Variants in CIP2A observed in about 807,000 individuals in gnomAD.
The protein encoded by CIP2A is cellular inhibitor of PP2A, also known as protein CIP2A.
Under a neutral mutation model 110.9 loss-of-function variants are expected in CIP2A, and 103 were observed. The observed-to-expected ratio is 0.93, with a 90% confidence interval of 0.79 to 1.09. The LOEUF is 1.09. Ranked by LOEUF, CIP2A falls within the 50% of genes least tolerant of loss-of-function variation. The pLI, the probability that CIP2A is intolerant of heterozygous loss-of-function variation, is 0.00. For missense variants in CIP2A, 1,088 were observed against 1,038.4 expected (o/e 1.05, Z -0.66); for synonymous variants, 381 against 361.6 (o/e 1.05, Z -0.61).
intron 16 of CIP2A, 108 bp downstream of exon 16, chr3:108,559,649 G>C: frequency 1.9e-6 from 1 of 540,112 alleles, no homozygotes; most frequent in East Asian, 3.2e-5. Context: ...CATGTCAAAT[G>C]CTAAGGAGAA....
chr3:108,587,137 A>C (rs1023770021), intron 1 of CIP2A, among the ~76,000 whole-genome samples: 9 of 152,160 alleles, frequency 5.9e-5, no homozygotes, highest in Admixed American at 5.2e-4. Flanking sequence ...GTTTCAACTA[A>C]AACGGAACAT....
At chr3:108,585,310 C>T in intron 1 of CIP2A, 98 bp from the exon 2 acceptor site, 1 of 1,096,446 alleles carries the variant, frequency 9.1e-7, no homozygotes, top group South Asian at 1.8e-5. Context: ...AGTGCCACTG[C>T]TACCTTCCCA....
intron 8 of CIP2A, among the ~76,000 whole-genome samples, chr3:108,570,666 C>T (rs114589931): frequency 2.0e-3 from 297 of 152,204 alleles, no homozygotes; most frequent in African/African-American, 6.2e-3. Flanking sequence ...AGGACACTTA[C>T]CATAAACAAA....
At chr3:108,568,520 TAGAC>T (rs769021586) in intron 9 of CIP2A, among the ~76,000 whole-genome samples, 14 of 152,046 alleles carry the variant, frequency 9.2e-5, no homozygotes, top group African/African-American at 1.9e-4. Context: ...TTTCTCAAAT[TAGAC>T]AGTAAGGTTT....
chr3:108,579,496 A>G, intron 6 of CIP2A, 70 bp from the exon 7 acceptor site: 1 of 1,557,224 alleles, frequency 6.4e-7, no homozygotes, highest in Non-Finnish European at 8.7e-7. Flanking sequence ...AGGTAAAAAT[A>G]AAAAAGTCTC....
intron 8 of CIP2A, among the ~76,000 whole-genome samples, chr3:108,572,332 A>G (rs1409681098): frequency 6.6e-6 from 1 of 152,026 alleles, no homozygotes; most frequent in Non-Finnish European, 1.5e-5. Context: ...TACTCTTCAC[A>G]TTTAAATCTA....
At chr3:108,563,842 C>T (rs1175423391) in intron 12 of CIP2A, among the ~76,000 whole-genome samples, 1 of 151,928 alleles carries the variant, frequency 6.6e-6, no homozygotes. Context: ...ACTGGTTGGG[C>T]ATCCCTAATC....
chr3:108,561,582 T>C (rs903269772), intron 13 of CIP2A, among the ~76,000 whole-genome samples: 1 of 152,040 alleles, frequency 6.6e-6, no homozygotes, highest in African/African-American at 2.4e-5. Context: ...GTTGGGAATA[T>C]CACTTGAGCC....
intron 11 of CIP2A, among the ~76,000 whole-genome samples, chr3:108,566,091 G>A (rs1261865896): frequency 1.3e-5 from 2 of 151,670 alleles, no homozygotes; most frequent in African/African-American, 4.8e-5. Flanking sequence ...GCCAAGGAAG[G>A]AGAGTTGTCT....
In CIP2A at chr3:108,558,760, A is replaced by T. The variant is rs115032451; in HGVS notation, c.2013+997T>A. On this transcript the variant is annotated intron_variant, in intron 16 of 20. Transcript: ENST00000295746. ...GAAGAGAGGAAATGGTGTTCCAGAC[A>T]TGGAAAGTCAAGTGCCACGACAAGG... Among the ~76,000 whole-genome samples, 1,149 of 152,286 alleles carry T rather than the reference A, an allele frequency of 7.5e-3. 17 individuals are homozygous for T. Among genetic ancestry groups the T allele is most frequent in the African/African-American group, 0.026 (1,090 of 41,562 alleles).
In CIP2A at chr3:108,551,451, T is replaced by TTA. The variant is rs1487690808; in HGVS notation, c.2548-134_2548-133dup. 5.5e-6 allele frequency: 3 copies of TTA among 548,242 alleles called. No individual in the cohort carries two copies. The Admixed American group carries it at 1.1e-4, about 20-fold the overall frequency. 34.0% of individuals were successfully genotyped at this position (548,242 alleles called of 1,614,324 possible). A position where few individuals can be genotyped will look rare whatever the true frequency, so the allele number is the denominator to read the frequency against. ...ACCATTTCAAGACATACTATAAATA[T>TTA]TATACTTCAGTTAATTCAATTACAT... On this transcript the variant is annotated intron_variant, in intron 20 of 20. Transcript: ENST00000295746.
In CIP2A at chr3:108,551,021, T is replaced by G. The variant is rs2083889514; in HGVS notation, c.*128A>C. ...AAAAAACATGCAACAGATCAGGGTC[T>G]TTACTAAATTAGATAATAACTTCTT... On this transcript the variant is annotated 3_prime_UTR_variant, in exon 21 of 21. Transcript: ENST00000295746. 1 of 419,174 alleles carries G rather than the reference T, an allele frequency of 2.4e-6. No individual in the cohort carries two copies. The highest frequency in any genetic ancestry group is 4.0e-6 in the Non-Finnish European group (1 of 249,980). 26.0% of individuals were successfully genotyped at this position (419,174 alleles called of 1,614,324 possible). A position where few individuals can be genotyped will look rare whatever the true frequency, so the allele number is the denominator to read the frequency against.
Position 108,569,049 on chromosome 3 carries a change from T to C in CIP2A, c.1113+340A>G, listed in dbSNP as rs532590712. Among the ~76,000 whole-genome samples, 5 of 150,866 alleles carry C rather than the reference T, an allele frequency of 3.3e-5. No homozygotes were observed. The South Asian group carries it at 1.1e-3, about 32-fold the overall frequency. ...TGCCTCTATTGTCCATTCAATGGCC[T>C]ACTAAACTTGGTAGATGGCATCTAT... On this transcript the variant is annotated intron_variant, in intron 9 of 20. Transcript: ENST00000295746.
intron 16 of CIP2A, 58 bp from the exon 17 acceptor site, chr3:108,557,472 C>G: frequency 7.9e-7 from 1 of 1,269,820 alleles, no homozygotes; most frequent in Non-Finnish European, 1.1e-6. Context: ...ATGCTCAACA[C>G]ATACCTACAA....
intron 13 of CIP2A, among the ~76,000 whole-genome samples, chr3:108,561,627 C>T (rs893733965): frequency 2.0e-5 from 3 of 152,138 alleles, no homozygotes; most frequent in Admixed American, 6.5e-5. Flanking sequence ...CATGATCACA[C>T]CACTGCACCC....
chr3:108,551,448 ATAT>A (rs1211486689), intron 20 of CIP2A, 129 bp from the exon 21 acceptor site: 1 of 552,946 alleles, frequency 1.8e-6, no homozygotes, highest in Admixed American at 3.7e-5. Flanking sequence ...CATACTATAA[ATAT>A]TATACTTCAG....
At chr3:108,587,921 A>C (rs1434567222) in intron 1 of CIP2A, among the ~76,000 whole-genome samples, 1 of 152,120 alleles carries the variant, frequency 6.6e-6, no homozygotes, top group Non-Finnish European at 1.5e-5. Flanking sequence ...AGCTGGGACA[A>C]CAGAGAGACG....
chr3:108,558,540 C>T (rs1231290502), intron 16 of CIP2A, among the ~76,000 whole-genome samples: 1 of 151,976 alleles, frequency 6.6e-6, no homozygotes, highest in Non-Finnish European at 1.5e-5. Flanking sequence ...GGGCCTGGAG[C>T]TATAGAAGCA....
chr3:108,579,061 G>A (rs1938774733), intron 7 of CIP2A, among the ~76,000 whole-genome samples: 1 of 152,016 alleles, frequency 6.6e-6, no homozygotes, highest in South Asian at 2.1e-4. Flanking sequence ...TTGATCTAAA[G>A]CAAAGACTGA....
Sources: gnomAD v4.1 joint callset for allele counts (sites outside exome capture counted in the v4.1 genomes callset) on GRCh38, gnomAD v4.1.1 for gene constraint, MANE v1.5 for transcripts, NCBI Gene and HGNC (gene_info 2026-07-23, HGNC 2026-07-21) for gene names.